BACH2: variants seen among roughly 807,000 people sequenced by gnomAD.
BACH2 encodes transcription regulator protein BACH2.
A neutral mutation model predicts 61.8 loss-of-function variants in BACH2; 5 were observed. That is an observed-to-expected ratio of 0.08 (90% CI 0.04 to 0.17). BACH2 has a LOEUF of 0.17. Ranked by LOEUF, BACH2 falls within the 10% of genes least tolerant of loss-of-function variation. BACH2 has a pLI of 1.00. For synonymous variants in BACH2, 446 were observed against 440.1 expected, an observed-to-expected ratio of 1.01 and a Z score of -0.17; for missense variants, 824 against 1,091.1, an observed-to-expected ratio of 0.76 and a Z score of 3.45.
At chr6:90,081,747 T>C (rs1282454709) in intron 5 of BACH2, among the ~76,000 whole-genome samples, 1 of 152,194 alleles carries the variant, frequency 6.6e-6, no homozygotes, top group African/African-American at 2.4e-5. Flanking sequence ...AGCTGCTTAC[T>C]AAATACTTCC....
At chr6:90,254,084 GC>G (rs992429297) in intron 2 of BACH2, among the ~76,000 whole-genome samples, 3 of 151,810 alleles carry the variant, frequency 2.0e-5, no homozygotes, top group African/African-American at 7.3e-5. Flanking sequence ...ATCACAACTA[GC>G]TGAGAACTGA....
chr6:90,159,924 GT>G (rs1166024959), intron 4 of BACH2, among the ~76,000 whole-genome samples: 2 of 152,162 alleles, frequency 1.3e-5, no homozygotes, highest in Non-Finnish European at 2.9e-5. Context: ...TGGAACATTG[GT>G]TTTTGGTAAG....
chr6:90,266,874 A>G (rs1771350078), intron 2 of BACH2, among the ~76,000 whole-genome samples: 1 of 152,160 alleles, frequency 6.6e-6, no homozygotes, highest in Non-Finnish European at 1.5e-5. Context: ...ATGCCACTGA[A>G]TTGTACACTT....
intron 4 of BACH2, among the ~76,000 whole-genome samples, chr6:90,118,726 A>G (rs922102653): frequency 2.6e-5 from 4 of 152,188 alleles, no homozygotes; most frequent in African/African-American, 9.7e-5. Context: ...GGGTCATTGT[A>G]AGTATCTGAT....
At chr6:89,985,850 G>T (rs1358480476) in intron 6 of BACH2, among the ~76,000 whole-genome samples, 2 of 152,218 alleles carry the variant, frequency 1.3e-5, no homozygotes, top group East Asian at 3.8e-4. Flanking sequence ...GGGCTAGGAG[G>T]AAGGGAGCCA....
chr6:90,175,981 C>T (rs1767972354), intron 4 of BACH2, among the ~76,000 whole-genome samples: 1 of 152,140 alleles, frequency 6.6e-6, no homozygotes, highest in South Asian at 2.1e-4. Context: ...TTAACCCTGC[C>T]CTGCCTTGCC....
intron 5 of BACH2, among the ~76,000 whole-genome samples, chr6:90,084,695 T>C (rs1781858080): frequency 6.6e-6 from 1 of 152,126 alleles, no homozygotes; most frequent in African/African-American, 2.4e-5. Context: ...TGGACTAATT[T>C]ATATATATTG....
At chr6:90,039,782 A>AG (rs1779441900) in intron 5 of BACH2, among the ~76,000 whole-genome samples, 1 of 152,238 alleles carries the variant, frequency 6.6e-6, no homozygotes, top group Non-Finnish European at 1.5e-5. Context: ...CAAGTAAAAA[A>AG]CAGCGTTTAA....
Position 90,170,599 on chromosome 6 carries a change from A to T in BACH2, c.-162+35970T>A, listed in dbSNP as rs78861639. ...GACAAAATCTTGAACATTAATATTT[A>T]TACAAACCAAATACTACTTTTTGTA... On this transcript the variant is annotated intron_variant, in intron 4 of 8. Coordinates refer to ENST00000257749, the MANE Select transcript of BACH2 (RefSeq NM_021813.4). 7.0e-3 allele frequency among the ~76,000 whole-genome samples: 1,069 copies of T among 152,344 alleles called. 15 individuals carry two copies. The highest frequency in any genetic ancestry group is 0.023 in the African/African-American group (956 of 41,574).
At chr6:90,266,264 G>A (rs1311951253) in intron 2 of BACH2, among the ~76,000 whole-genome samples, 2 of 152,220 alleles carry the variant, frequency 1.3e-5, no homozygotes, top group South Asian at 2.1e-4. Context: ...CTGGTTTAAC[G>A]AAGATACTGA....
chr6:89,948,104 G>A (rs1584515317), intron 7 of BACH2, among the ~76,000 whole-genome samples: 1 of 152,070 alleles, frequency 6.6e-6, no homozygotes, highest in African/African-American at 2.4e-5. Context: ...GGATATTGGC[G>A]GCGAGGGTGG....
At chr6:90,059,944 G>A (rs1780591068) in intron 5 of BACH2, among the ~76,000 whole-genome samples, 1 of 132,484 alleles carries the variant, frequency 7.5e-6, no homozygotes, top group Non-Finnish European at 1.6e-5. Flanking sequence ...ATGGACACAG[G>A]AAGGGGAACA....
chr6:90,051,273 T>C (rs988122617), intron 5 of BACH2, among the ~76,000 whole-genome samples: 1 of 152,222 alleles, frequency 6.6e-6, no homozygotes, highest in Non-Finnish European at 1.5e-5. Context: ...TTAATTTTTA[T>C]TGATATATAT....
intron 4 of BACH2, among the ~76,000 whole-genome samples, chr6:90,176,579 G>A (rs915671100): frequency 2.2e-4 from 34 of 152,268 alleles, no homozygotes; most frequent in African/African-American, 7.9e-4. Flanking sequence ...CGACACACCG[G>A]AGGAGAGGGA....
At chr6:90,132,305 G>C (rs1784104869) in intron 4 of BACH2, among the ~76,000 whole-genome samples, 1 of 152,084 alleles carries the variant, frequency 6.6e-6, no homozygotes, top group African/African-American at 2.4e-5. Flanking sequence ...GCATGCAACA[G>C]GGCTGGTCAT....
intron 6 of BACH2, among the ~76,000 whole-genome samples, chr6:89,958,640 C>A (rs924493171): frequency 6.6e-6 from 1 of 152,176 alleles, no homozygotes; most frequent in Admixed American, 6.5e-5. Flanking sequence ...TACAGTGTCA[C>A]CTGAGTACGT....
At chr6:89,944,948 C>T (rs2128355359) in intron 7 of BACH2, among the ~76,000 whole-genome samples, 1 of 152,126 alleles carries the variant, frequency 6.6e-6, no homozygotes, top group South Asian at 2.1e-4. Context: ...AAAAACAAAC[C>T]TATAAACCAT....
chr6:90,227,255 C>G (rs1161494628), intron 3 of BACH2, among the ~76,000 whole-genome samples: 1 of 152,216 alleles, frequency 6.6e-6, no homozygotes, highest in African/African-American at 2.4e-5. Context: ...TACCAGGAGT[C>G]TGCTCCACGC....
intron 6 of BACH2, among the ~76,000 whole-genome samples, chr6:89,961,025 A>G (rs557616553): frequency 1.3e-5 from 2 of 152,330 alleles, no homozygotes; most frequent in East Asian, 1.9e-4. Flanking sequence ...CTTCGTTTCA[A>G]CTGGGTGGTT....
Sources: gnomAD v4.1 joint callset for allele counts (sites outside exome capture counted in the v4.1 genomes callset) on GRCh38, gnomAD v4.1.1 for gene constraint, MANE v1.5 for transcripts, NCBI Gene and HGNC (gene_info 2026-07-23, HGNC 2026-07-21) for gene names.